Variants in SPECC1 observed in about 807,000 individuals in gnomAD.
The protein encoded by SPECC1 is sperm antigen with calponin homology and coiled-coil domains 1.
A neutral mutation model predicts 104.1 loss-of-function variants in SPECC1; 62 were observed. The ratio of observed to expected loss-of-function variants is 0.60; its 90% confidence interval spans 0.49 to 0.74. The LOEUF (loss-of-function observed/expected upper bound fraction) is 0.74. Among genes scored for constraint, SPECC1 ranks in the 30% least tolerant of loss-of-function variants. The pLI, the probability that SPECC1 is intolerant of heterozygous loss-of-function variation, is 0.00. For missense variants in SPECC1, 1,306 were observed against 1,310.5 expected (o/e 1.00, Z 0.05); for synonymous variants, 513 against 501.6 (o/e 1.02, Z -0.30).
rs953322241 is a variant in SPECC1, at chr17:20,037,165, T to C, written c.-22+27741T>C. Among the ~76,000 whole-genome samples, 10 of 152,340 alleles carry C rather than the reference T, an allele frequency of 6.6e-5. 1 individual carries two copies. The highest frequency in any genetic ancestry group is 3.9e-4 in the East Asian group (2 of 5,194). On this transcript the variant is annotated intron_variant, in intron 1 of 14. Transcript: ENST00000395527. The stretch of plus-strand genomic sequence containing the variant: ...TTCTGGAATAAGTCCCACTTGATCA[T>C]GGTGTATAATTATTTTTATATATTG...
chr17:20,255,386 A>G (rs2039787970), intron 10 of SPECC1, among the ~76,000 whole-genome samples: 1 of 152,248 alleles, frequency 6.6e-6, no homozygotes, highest in Admixed American at 6.5e-5. Flanking sequence ...AAAAGAGGGA[A>G]TAATTTGATG....
intron 1 of SPECC1, among the ~76,000 whole-genome samples, chr17:20,045,242 CT>C (rs2045493272): frequency 6.6e-6 from 1 of 152,174 alleles, no homozygotes; most frequent in Admixed American, 6.5e-5. Flanking sequence ...TAACACACAG[CT>C]TTTTATGTCC....
At chr17:20,044,649 T>A (rs3909257) in intron 1 of SPECC1, among the ~76,000 whole-genome samples, 1 of 152,114 alleles carries the variant, frequency 6.6e-6, no homozygotes, top group African/African-American at 2.4e-5. Context: ...GGAAGCCTAG[T>A]GTCAGGTCCT....
intron 13 of SPECC1, among the ~76,000 whole-genome samples, chr17:20,301,809 G>A (rs1019616458): frequency 6.6e-6 from 1 of 152,054 alleles, no homozygotes; most frequent in African/African-American, 2.4e-5. Context: ...AAGTCCAAGC[G>A]ATTCTCCTGC....
At chr17:20,182,723 A>G (rs1239768846) in intron 3 of SPECC1, among the ~76,000 whole-genome samples, 1 of 152,236 alleles carries the variant, frequency 6.6e-6, no homozygotes. Flanking sequence ...GGATTCAGAA[A>G]GTACTGAGTC....
chr17:20,115,275 C>G (rs2048699223), intron 3 of SPECC1, among the ~76,000 whole-genome samples: 3 of 152,150 alleles, frequency 2.0e-5, no homozygotes, highest in Admixed American at 1.3e-4. Flanking sequence ...GAGATCAAGA[C>G]TAGCCTGGCC....
intron 1 of SPECC1, among the ~76,000 whole-genome samples, 170 bp from the exon 2 acceptor site, chr17:20,096,461 G>A (rs960977133): frequency 2.0e-5 from 3 of 152,176 alleles, no homozygotes; most frequent in Non-Finnish European, 4.4e-5. Flanking sequence ...AATTAGCCTA[G>A]TATAAAGCCT....
chr17:20,314,150 T>C lies in SPECC1; in HGVS notation c.*85T>C. ...TGATTACTGTCCACTGACCCTGCTC[T>C]GCCCACCACCCAGCTGCCTAGACTT... is the stretch of plus-strand genomic sequence containing the variant. On this transcript the variant is annotated 3_prime_UTR_variant, in exon 15 of 15. Coordinates refer to ENST00000395527, the MANE Select transcript of SPECC1 (RefSeq NM_001243439.2). 3.4e-6 allele frequency: 4 copies of C among 1,162,400 alleles called. No individual in the cohort carries two copies. Among genetic ancestry groups the C allele is most frequent in the Non-Finnish European group, 5.0e-6 (4 of 793,412 alleles). 72.0% of individuals were successfully genotyped at this position (1,162,400 alleles called of 1,614,324 possible).
At chr17:20,106,833 T>C (rs770445945) in intron 2 of SPECC1, among the ~76,000 whole-genome samples, 1 of 152,072 alleles carries the variant, frequency 6.6e-6, no homozygotes, top group East Asian at 1.9e-4. Flanking sequence ...GTCCAGTTGC[T>C]AAATTAGGGG....
chr17:20,188,022 A>T (rs1000088451), intron 3 of SPECC1, among the ~76,000 whole-genome samples: 1 of 152,198 alleles, frequency 6.6e-6, no homozygotes, highest in Admixed American at 6.5e-5. Context: ...GCCTCATATA[A>T]GGAAGGATTG....
intron 1 of SPECC1, among the ~76,000 whole-genome samples, chr17:20,082,842 C>T (rs1427776726): frequency 6.6e-6 from 1 of 151,868 alleles, no homozygotes; most frequent in Non-Finnish European, 1.5e-5. Flanking sequence ...GGACACAGTT[C>T]AGCCCATGAC....
At chr17:20,070,733 A>C (rs2046517716) in intron 1 of SPECC1, among the ~76,000 whole-genome samples, 1 of 152,120 alleles carries the variant, frequency 6.6e-6, no homozygotes, top group Non-Finnish European at 1.5e-5. Context: ...TTTTTGTAGG[A>C]TACATTCCTA....
intron 12 of SPECC1, among the ~76,000 whole-genome samples, chr17:20,296,635 G>A (rs1168880741): frequency 2.0e-5 from 3 of 152,106 alleles, no homozygotes; most frequent in Non-Finnish European, 4.4e-5. Context: ...TCATGATATT[G>A]ATTCTTCCTA....
intron 3 of SPECC1, among the ~76,000 whole-genome samples, chr17:20,184,513 GT>G (rs2035129613): frequency 6.6e-6 from 1 of 152,196 alleles, no homozygotes; most frequent in East Asian, 1.9e-4. Flanking sequence ...GCTTAGGGGA[GT>G]TTAGTGATTA....
At chr17:20,148,543 GAA>G (rs10667828) in intron 3 of SPECC1, among the ~76,000 whole-genome samples, 6 of 136,154 alleles carry the variant, frequency 4.4e-5, no homozygotes, top group Admixed American at 1.5e-4. Context: ...ATGTGCACTA[GAA>G]AAAAAAAAAA....
chr17:20,237,134 GCTGT>G (rs2038962093), intron 7 of SPECC1: 2 of 1,379,340 alleles, frequency 1.4e-6, no homozygotes, highest in Non-Finnish European at 1.9e-6. Flanking sequence ...AGAAGATTGA[GCTGT>G]CTTTTATTTG....
At chr17:20,280,369 T>G (rs551107760) in intron 12 of SPECC1, among the ~76,000 whole-genome samples, 1 of 152,230 alleles carries the variant, frequency 6.6e-6, no homozygotes, top group Non-Finnish European at 1.5e-5. Context: ...CCATGACTGC[T>G]CAGAGTCACA....
At chr17:20,051,610 G>A (rs113089696) in intron 1 of SPECC1, among the ~76,000 whole-genome samples, 1 of 151,622 alleles carries the variant, frequency 6.6e-6, no homozygotes, top group South Asian at 2.1e-4. Flanking sequence ...TCCTTTATTT[G>A]TTCATTCAAC....
At chr17:20,057,114 C>G (rs116910404) in intron 1 of SPECC1, among the ~76,000 whole-genome samples, 2 of 152,140 alleles carry the variant, frequency 1.3e-5, no homozygotes, top group Non-Finnish European at 2.9e-5. Flanking sequence ...AGCATTCTTT[C>G]AGCTGCTGAG....
Sources: gnomAD v4.1 joint callset for allele counts (sites outside exome capture counted in the v4.1 genomes callset) on GRCh38, gnomAD v4.1.1 for gene constraint, MANE v1.5 for transcripts, NCBI Gene and HGNC (gene_info 2026-07-23, HGNC 2026-07-21) for gene names.